Variants in CBFA2T3 observed in about 807,000 individuals in gnomAD.
The protein encoded by CBFA2T3 is CBFA2/RUNX1 partner transcriptional co-repressor 3.
Under a neutral mutation model 58.6 loss-of-function variants are expected in CBFA2T3, and 31 were observed. The ratio of observed to expected loss-of-function variants is 0.53; its 90% CI spans 0.40 to 0.71. CBFA2T3 has a LOEUF of 0.71. CBFA2T3 is among the 30% of genes least tolerant of loss of function. The probability of loss-of-function intolerance (pLI) is 0.00; values close to 1 mark genes in which losing one functional copy is unlikely to be tolerated. For missense variants in CBFA2T3, 1,076 were observed against 963.1 expected, an observed-to-expected ratio of 1.12 and a Z score of -1.55; for synonymous variants, 531 against 421.9, an observed-to-expected ratio of 1.26 and a Z score of -3.17.
At chr16:88,923,958 G>A (rs573480145) in intron 1 of CBFA2T3, among the ~76,000 whole-genome samples, 25 of 152,344 alleles carry the variant, frequency 1.6e-4, no homozygotes, top group African/African-American at 5.5e-4. Context: ...CGAAGACCCT[G>A]GGATCTCATG....
Position 88,881,348 on chromosome 16 carries a change from C to CG in CBFA2T3, c.1344dup (p.Ala449ArgfsTer36). ...CTGCGGGGCCGGGCCGCGGCGGGAG[C>CG]GGGGCCCTTCTTTGTGTCCTCGGCG... On this transcript the variant is annotated frameshift_variant, in exon 9 of 12. Coordinates refer to ENST00000268679, the MANE Select transcript of CBFA2T3 (RefSeq NM_005187.6). LOFTEE classifies it high-confidence loss of function. 6.3e-7 allele frequency: 1 copy of CG among 1,583,320 alleles called. No homozygotes were observed. Among genetic ancestry groups the CG allele is most frequent in the Non-Finnish European group, 8.6e-7 (1 of 1,166,494 alleles).
intron 1 of CBFA2T3, among the ~76,000 whole-genome samples, chr16:88,905,713 AGGGGCGGGGCTGAAGGAGGGG>A (rs1970294438): frequency 3.4e-5 from 1 of 29,734 alleles, no homozygotes; most frequent in African/African-American, 1.4e-4. Flanking sequence ...GCGGGGCTGG[AGGGGCGGGGCTGAAGGAGGGG>A]CGGGACTGGA....
chr16:88,877,104 C>T lies in CBFA2T3; in HGVS notation c.1834G>A (p.Glu612Lys), dbSNP rs527683616. The change falls in exon 12 of 12, where the codon GAA becomes AAA. Residue 612 changes from glutamate to lysine, a missense_variant. Transcript: ENST00000268679. ...GAGGGGCCCAGGCTGTGGGCGGCTT[C>T]GGGCGGTCCAGGCACCGGGTCGGCC... is the stretch of plus-strand genomic sequence containing the variant. ...VVADPVPGPP[E>K]AAHSLGPSLP... 6.5e-6 allele frequency: 10 copies of T among 1,544,992 alleles called. No individual in the cohort carries two copies. Among genetic ancestry groups the T allele is most frequent in the African/African-American group, 2.7e-5 (2 of 72,974 alleles).
At chr16:88,927,746 C>T (rs775369362) in intron 1 of CBFA2T3, among the ~76,000 whole-genome samples, 105 of 152,308 alleles carry the variant, frequency 6.9e-4, no homozygotes, top group Non-Finnish European at 1.9e-4. Flanking sequence ...CCCAGCTGGC[C>T]GTCCGCCCGT....
chr16:88,956,385 C>T (rs749260674), intron 1 of CBFA2T3, among the ~76,000 whole-genome samples: 1 of 152,262 alleles, frequency 6.6e-6, no homozygotes, highest in Non-Finnish European at 1.5e-5. Flanking sequence ...CCTGCTCTTC[C>T]CCAGGGGTCT....
intron 1 of CBFA2T3, among the ~76,000 whole-genome samples, chr16:88,918,062 T>C (rs1371424730): frequency 6.6e-6 from 1 of 152,074 alleles, no homozygotes; most frequent in Non-Finnish European, 1.5e-5. Context: ...CGCCACGTCC[T>C]GTGAGCTGGC....
At chr16:88,943,692 C>T (rs544062445) in intron 1 of CBFA2T3, among the ~76,000 whole-genome samples, 4 of 152,168 alleles carry the variant, frequency 2.6e-5, no homozygotes, top group Admixed American at 2.6e-4. Context: ...CGGATGCTCC[C>T]GGAACGCCCA....
At chr16:88,912,624 C>G (rs960732974) in intron 1 of CBFA2T3, among the ~76,000 whole-genome samples, 2 of 152,228 alleles carry the variant, frequency 1.3e-5, no homozygotes, top group Non-Finnish European at 2.9e-5. Flanking sequence ...CTGTGTTGGT[C>G]CTCGTGTTTA....
intron 5 of CBFA2T3, among the ~76,000 whole-genome samples, chr16:88,890,337 T>C (rs1018629919): frequency 6.6e-6 from 1 of 152,174 alleles, no homozygotes; most frequent in African/African-American, 2.4e-5. Context: ...AGCTGCTAAG[T>C]GGCAGGCTCG....
intron 1 of CBFA2T3, among the ~76,000 whole-genome samples, chr16:88,905,132 G>C (rs994512022): frequency 3.3e-5 from 5 of 152,118 alleles, no homozygotes; most frequent in African/African-American, 9.7e-5. Context: ...GGGAAGGAGG[G>C]GGGTGGGGGA....
Position 88,894,691 on chromosome 16 carries a change from G to A in CBFA2T3, c.380-2206C>T, listed in dbSNP as rs191071948. ...TGTGGCCCCAAGTGCCCCTCTCCAG[G>A]GGATCCACCCCTCACCCGTGCTGAG... On this transcript the variant is annotated intron_variant, in intron 3 of 11. Transcript: ENST00000268679. 1.3e-3 allele frequency among the ~76,000 whole-genome samples: 205 copies of A among 152,324 alleles called. 3 individuals are homozygous for A. In the South Asian group the frequency reaches 0.02, roughly 15 times the overall value.
intron 1 of CBFA2T3, among the ~76,000 whole-genome samples, chr16:88,916,230 G>GTA (rs202210696): frequency 2.6e-5 from 4 of 151,416 alleles, no homozygotes; most frequent in African/African-American, 7.3e-5. Flanking sequence ...ACATGTGGGT[G>GTA]TGTGTATTCA....
intron 1 of CBFA2T3, among the ~76,000 whole-genome samples, chr16:88,961,580 C>T (rs1972359298): frequency 7.5e-6 from 1 of 133,330 alleles, no homozygotes; most frequent in Admixed American, 7.3e-5. Context: ...CGACACTCAG[C>T]ACTGGGCATT....
chr16:88,967,117 A>G (rs59759980), intron 1 of CBFA2T3, among the ~76,000 whole-genome samples: 1,650 of 105,514 alleles, frequency 0.016, 50 homozygotes, highest in African/African-American at 0.045. Flanking sequence ...CCAACCCCCA[A>G]CCCCCGAGGT....
chr16:88,964,529 T>C (rs759895549), intron 1 of CBFA2T3, among the ~76,000 whole-genome samples: 10 of 152,190 alleles, frequency 6.6e-5, no homozygotes, highest in Non-Finnish European at 1.5e-4. Flanking sequence ...CCGTGTGGCT[T>C]TCCTTCTTCA....
chr16:88,906,058 C>G (rs1363262377), intron 1 of CBFA2T3, among the ~76,000 whole-genome samples: 4 of 152,010 alleles, frequency 2.6e-5, no homozygotes, highest in African/African-American at 9.7e-5. Flanking sequence ...TGAGGCCGTG[C>G]GCAGCAGGGG....
chr16:88,878,523 C>A (rs1459216822), intron 11 of CBFA2T3, among the ~76,000 whole-genome samples: 1 of 152,266 alleles, frequency 6.6e-6, no homozygotes, highest in Non-Finnish European at 1.5e-5. Context: ...CGCCTGCCTC[C>A]CAGGTGCACG....
chr16:88,886,431 T>G, intron 5 of CBFA2T3: 1 of 326,006 alleles, frequency 3.1e-6, no homozygotes, highest in Non-Finnish European at 5.6e-6. Context: ...GGTGGGGCTT[T>G]CCCACCGCAC....
Position 88,901,606 on chromosome 16 carries a change from C to G in CBFA2T3, c.202G>C (p.Glu68Gln). 6.6e-7 allele frequency: 1 copy of G among 1,523,146 alleles called. No individual in the cohort carries two copies. The highest frequency in any genetic ancestry group is 1.5e-5 in the African/African-American group (1 of 68,584). The allele number at this position is 1,523,146 out of a possible 1,614,324, so 94.4% of individuals were successfully genotyped here. ...KASAMPDSPA[E>Q]VKTQPRSTPP... ...GTGGACCGGGGCTGCGTCTTCACCT[C>G]CGCTGGGGAGTCCGGCATCGCTGAG... The change falls in exon 2 of 12, where the codon GAG (glutamate) becomes CAG (glutamine). Residue 68 changes from glutamate to glutamine, a missense_variant. Physicochemically the swap from Glu to Gln is conservative, Grantham distance 29. Coordinates refer to ENST00000268679, the MANE Select transcript of CBFA2T3 (RefSeq NM_005187.6).
Sources: gnomAD v4.1 joint callset for allele counts (sites outside exome capture counted in the v4.1 genomes callset) on GRCh38, gnomAD v4.1.1 for gene constraint, MANE v1.5 for transcripts, NCBI Gene and HGNC (gene_info 2026-07-23, HGNC 2026-07-21) for gene names.